ATG7: variants seen among roughly 807,000 people sequenced by gnomAD.
The protein encoded by ATG7 is ubiquitin-like modifier-activating enzyme ATG7.
A neutral mutation model predicts 82.4 loss-of-function variants in ATG7; 70 were observed. That is an observed-to-expected ratio of 0.85 (90% confidence interval 0.70 to 1.04). The LOEUF (loss-of-function observed/expected upper bound fraction) is 1.04, where lower values mean the gene tolerates loss of function less well. Ranked by LOEUF, ATG7 falls within the 50% of genes least tolerant of loss-of-function variation. The probability of loss-of-function intolerance (pLI) is 0.00; values close to 1 mark genes in which losing one functional copy is unlikely to be tolerated. For missense variants in ATG7, 792 were observed against 864.3 expected, an observed-to-expected ratio of 0.92 and a Z score of 1.05; for synonymous variants, 287 against 313.0, an observed-to-expected ratio of 0.92 and a Z score of 0.88.
At chr3:11,415,509 A>T (rs540462179) in intron 19 of ATG7, among the ~76,000 whole-genome samples, 7 of 152,328 alleles carry the variant, frequency 4.6e-5, no homozygotes, top group African/African-American at 1.2e-4. Context: ...CCATACAAAA[A>T]CATTTTTTCT....
chr3:11,530,735 C>T lies in ATG7; in HGVS notation c.2080-24076C>T, dbSNP rs184874274. ...GAAGCCTGAGCCTGTAATCCCAGCA[C>T]TTTGGGAGGCTGAGTCAGGCAGATC... On this transcript the variant is annotated intron_variant, in intron 20 of 20. Transcript: ENST00000693202. 3.0e-4 allele frequency among the ~76,000 whole-genome samples: 45 copies of T among 152,290 alleles called. 1 individual carries two copies. The highest frequency in any genetic ancestry group is 2.6e-3 in the Admixed American group (39 of 15,292).
downstream of ATG7, among the ~76,000 whole-genome samples, chr3:11,560,226 C>T (rs907040738): frequency 1.3e-5 from 2 of 152,204 alleles, no homozygotes; most frequent in African/African-American, 4.8e-5. Flanking sequence ...CAGGTGCTCC[C>T]GTAAGACCAT....
chr3:11,452,614 G>A (rs2085305518), intron 20 of ATG7, among the ~76,000 whole-genome samples: 1 of 152,026 alleles, frequency 6.6e-6, no homozygotes, highest in African/African-American at 2.4e-5. Context: ...AGACCAAGGA[G>A]TTCTTAGCCC....
chr3:11,312,199 A>G (rs753657904), intron 7 of ATG7, among the ~76,000 whole-genome samples: 22 of 152,216 alleles, frequency 1.4e-4, no homozygotes, highest in Non-Finnish European at 2.9e-4. Flanking sequence ...ATAAAAAGTC[A>G]TCTAACAACC....
chr3:11,321,958 C>G (rs963595178), intron 9 of ATG7, among the ~76,000 whole-genome samples: 1 of 152,146 alleles, frequency 6.6e-6, no homozygotes, highest in Non-Finnish European at 1.5e-5. Flanking sequence ...CAAAGGAAGG[C>G]ATAAGAGAAG....
intron 3 of ATG7, among the ~76,000 whole-genome samples, chr3:11,289,779 C>T (rs922967134): frequency 6.6e-6 from 1 of 152,124 alleles, no homozygotes. Flanking sequence ...AGGCTCGTCT[C>T]AAACTCCTGG....
intron 1 of ATG7, 169 bp downstream of exon 1, chr3:11,272,599 C>G (rs1226022933): frequency 6.6e-6 from 1 of 152,402 alleles, no homozygotes; most frequent in African/African-American, 2.4e-5. Flanking sequence ...CTCACTGATT[C>G]CGGCTGGCGC....
chr3:11,422,870 T>C (rs1576307791), intron 19 of ATG7, among the ~76,000 whole-genome samples: 1 of 148,904 alleles, frequency 6.7e-6, no homozygotes, highest in Non-Finnish European at 1.5e-5. Context: ...TTCTCTTGCC[T>C]CAGCTTCCCA....
Position 11,487,467 on chromosome 3 carries a change from A to AC in ATG7, c.2079+60547dup, listed in dbSNP as rs1452597260. Among the ~76,000 whole-genome samples, 41 of 68,066 alleles carry AC rather than the reference A, an allele frequency of 6.0e-4. 1 individual carries two copies. In the South Asian group the frequency reaches 0.022, roughly 37 times the overall value. The allele number at this position is 68,066 out of a possible 152,430, so 44.7% of individuals were successfully genotyped here. A position where few individuals can be genotyped will look rare whatever the true frequency, so the allele number is the denominator to read the frequency against. On this transcript the variant is annotated intron_variant, in intron 20 of 20. Transcript: ENST00000693202. ...GGGCGGCTGGCCGGGCGGGGGGCTG[A>AC]CCCCCCAACCTCCCTCCCGGACAGG... is the stretch of plus-strand genomic sequence containing the variant.
intron 20 of ATG7, among the ~76,000 whole-genome samples, chr3:11,435,214 T>G (rs2083264810): frequency 6.6e-6 from 1 of 152,218 alleles, no homozygotes; most frequent in South Asian, 2.1e-4. Flanking sequence ...AACAACTTTT[T>G]GCAGATTTTG....
At chr3:11,536,489 T>G (rs1446865319) in intron 20 of ATG7, among the ~76,000 whole-genome samples, 1 of 152,130 alleles carries the variant, frequency 6.6e-6, no homozygotes, top group African/African-American at 2.4e-5. Flanking sequence ...TTGGGTTAAG[T>G]TTGTGCCTTC....
At chr3:11,521,581 C>G (rs2092444010) in intron 20 of ATG7, among the ~76,000 whole-genome samples, 1 of 149,742 alleles carries the variant, frequency 6.7e-6, no homozygotes, top group South Asian at 2.1e-4. Flanking sequence ...AAGACGGAGT[C>G]TCGCTCTGTC....
chr3:11,414,650 G>T (rs1279620030), intron 19 of ATG7, among the ~76,000 whole-genome samples: 2 of 152,118 alleles, frequency 1.3e-5, no homozygotes, highest in East Asian at 3.8e-4. Context: ...CCTTCATGGA[G>T]AAACTTCTGG....
At chr3:11,280,683 T>C (rs1025626157) in intron 1 of ATG7, among the ~76,000 whole-genome samples, 6 of 152,240 alleles carry the variant, frequency 3.9e-5, no homozygotes, top group African/African-American at 1.4e-4. Flanking sequence ...GTCATGAAAT[T>C]GATAAGCAAA....
intron 19 of ATG7, among the ~76,000 whole-genome samples, chr3:11,386,133 G>A (rs1264963586): frequency 2.0e-5 from 3 of 152,152 alleles, no homozygotes; most frequent in Non-Finnish European, 4.4e-5. Context: ...GGACTGCCAA[G>A]TGACCACAAG....
At chr3:11,482,205 G>C (rs554867186) in intron 20 of ATG7, among the ~76,000 whole-genome samples, 1 of 152,262 alleles carries the variant, frequency 6.6e-6, no homozygotes, top group South Asian at 2.1e-4. Context: ...GTGAGAAGGG[G>C]AATGGCTCTC....
At chr3:11,558,845 G>A (rs891689114), downstream of ATG7, 1 of 1,608,232 alleles carries the variant, frequency 6.2e-7, no homozygotes, top group South Asian at 1.1e-5. Context: ...CAAGCAGGAA[G>A]GCAGGCAGTC....
intron 19 of ATG7, among the ~76,000 whole-genome samples, chr3:11,408,772 T>C (rs540736621): frequency 6.6e-6 from 1 of 152,258 alleles, no homozygotes; most frequent in South Asian, 2.1e-4. Context: ...ACCCCCATGA[T>C]TCAGTAGTCT....
chr3:11,495,807 A>G (rs1188173382), intron 20 of ATG7, among the ~76,000 whole-genome samples: 3 of 152,228 alleles, frequency 2.0e-5, no homozygotes, highest in Admixed American at 6.5e-5. Context: ...AGCCACTAGC[A>G]CACATTTTCA....
Sources: allele counts gnomAD v4.1 joint callset (sites outside exome capture counted in the v4.1 genomes callset), GRCh38; gene constraint gnomAD v4.1.1; transcripts MANE v1.5; gene names NCBI Gene and HGNC (gene_info 2026-07-23, HGNC 2026-07-21).